The following ZPBP variants were observed in gnomAD, a reference collection of about 807,000 sequenced individuals.
The protein encoded by ZPBP is zona pellucida binding protein.
In ZPBP, 26 loss-of-function variants were observed where a neutral mutation model predicts 44.8. The observed-to-expected ratio is 0.58, with a 90% CI of 0.43 to 0.81. The LOEUF (loss-of-function observed/expected upper bound fraction) is 0.81. Among genes scored for constraint, ZPBP ranks in the 30% least tolerant of loss-of-function variants. ZPBP has a pLI of 0.00. For missense variants in ZPBP, 409 were observed against 434.0 expected (o/e 0.94, Z 0.51); for synonymous variants, 174 against 153.2 (o/e 1.14, Z -1.00).
chr7:49,962,424 A>C (rs1795896086), intron 7 of ZPBP, among the ~76,000 whole-genome samples: 1 of 151,890 alleles, frequency 6.6e-6, no homozygotes, highest in Non-Finnish European at 1.5e-5. Context: ...TGTAAAAGAC[A>C]TTAGGAAAAA....
Position 49,937,628 on chromosome 7 carries a change from A to T in ZPBP, c.962-6T>A. The T allele has an allele frequency of 6.2e-7, 1 of 1,608,118 alleles. No homozygotes were observed. Among genetic ancestry groups the T allele is most frequent in the Non-Finnish European group, 8.5e-7 (1 of 1,174,656 alleles). ...TGATCCAGGGCTGCAGATCACTGTG[A>T]AAAAAGAGTAAGTTAATAAGTAGTA... On this transcript the variant is annotated splice_polypyrimidine_tract_variant and splice_region_variant and intron_variant, in intron 7 of 7. Transcript: ENST00000046087.
chr7:50,016,203 C>T (rs1276378368), intron 6 of ZPBP, among the ~76,000 whole-genome samples: 1 of 152,056 alleles, frequency 6.6e-6, no homozygotes, highest in Admixed American at 6.6e-5. Context: ...AATGTGGTAC[C>T]TATACACCAT....
chr7:50,025,166 T>G (rs1479479186), intron 5 of ZPBP, among the ~76,000 whole-genome samples: 1 of 151,882 alleles, frequency 6.6e-6, no homozygotes, highest in African/African-American at 2.4e-5. Flanking sequence ...AGATATTCCA[T>G]GTTCATAGAT....
intron 6 of ZPBP, among the ~76,000 whole-genome samples, chr7:50,013,471 C>A (rs973938507): frequency 5.9e-5 from 9 of 151,838 alleles, no homozygotes; most frequent in African/African-American, 2.2e-4. Flanking sequence ...CCATCAGTAG[C>A]AAATGTCTTC....
chr7:50,020,862 GA>G (rs1208456370), intron 5 of ZPBP, among the ~76,000 whole-genome samples: 1 of 152,026 alleles, frequency 6.6e-6, no homozygotes, highest in Non-Finnish European at 1.5e-5. Flanking sequence ...CAGAATATAA[GA>G]AAATCTCTGT....
intron 7 of ZPBP, chr7:49,943,409 C>T (rs573319208): frequency 7.4e-6 from 3 of 405,170 alleles, no homozygotes; most frequent in Non-Finnish European, 1.4e-5. Context: ...ATTTCATCTA[C>T]AATGGGGACC....
intron 7 of ZPBP, among the ~76,000 whole-genome samples, chr7:49,972,843 T>G (rs1187017645): frequency 6.6e-6 from 1 of 151,082 alleles, no homozygotes; most frequent in Admixed American, 6.6e-5. Context: ...GCTACAGTAA[T>G]AAAAACAGTG....
chr7:50,011,732 C>T (rs1798593652), intron 6 of ZPBP, among the ~76,000 whole-genome samples: 2 of 150,480 alleles, frequency 1.3e-5, no homozygotes, highest in African/African-American at 2.5e-5. Flanking sequence ...ATTAAGCAAC[C>T]CACTACTAAA....
At chr7:49,876,423 C>T (rs1791416692) in intron 2 of ZPBP, among the ~76,000 whole-genome samples, 1 of 152,102 alleles carries the variant, frequency 6.6e-6, no homozygotes, top group Non-Finnish European at 1.5e-5. Context: ...TGTGGGAAAA[C>T]AGCACCTGTC....
the ZPBP span, among the ~76,000 whole-genome samples, chr7:49,843,721 C>G: frequency 6.6e-6 from 1 of 152,192 alleles, no homozygotes; most frequent in Non-Finnish European, 1.5e-5. Flanking sequence ...GAGACAAGGT[C>G]ATAGAAGCAC....
intron 7 of ZPBP, among the ~76,000 whole-genome samples, chr7:49,946,603 C>T (rs906589924): frequency 1.3e-5 from 2 of 152,048 alleles, no homozygotes; most frequent in Non-Finnish European, 2.9e-5. Context: ...TGTTTCTTTT[C>T]TTTTGCTGCT....
At chr7:49,993,364 G>A (rs1383381322) in intron 6 of ZPBP, among the ~76,000 whole-genome samples, 2 of 151,950 alleles carry the variant, frequency 1.3e-5, no homozygotes, top group African/African-American at 4.8e-5. Flanking sequence ...GGGCTACAAA[G>A]AACAGATAGG....
At chr7:50,064,182 A>G (rs1228811178) in intron 3 of ZPBP, among the ~76,000 whole-genome samples, 1 of 152,212 alleles carries the variant, frequency 6.6e-6, no homozygotes, top group Non-Finnish European at 1.5e-5. Context: ...GATGCCCCAC[A>G]AGCCACAAAA....
intron 3 of ZPBP, among the ~76,000 whole-genome samples, chr7:50,060,285 C>T (rs1201536383): frequency 6.6e-6 from 1 of 151,708 alleles, no homozygotes; most frequent in Non-Finnish European, 1.5e-5. Flanking sequence ...TGGCCAGGGA[C>T]ACCATCCCCC....
At chr7:49,856,567 A>G (rs939301414) in intron 2 of ZPBP, among the ~76,000 whole-genome samples, 7 of 152,198 alleles carry the variant, frequency 4.6e-5, no homozygotes, top group African/African-American at 1.7e-4. Flanking sequence ...GCTTTATTGA[A>G]GTATAATTGG....
At chr7:49,881,828 T>C (rs1791678638) in intron 2 of ZPBP, among the ~76,000 whole-genome samples, 1 of 152,048 alleles carries the variant, frequency 6.6e-6, no homozygotes, top group African/African-American at 2.4e-5. Context: ...ATAACTTATG[T>C]TTGTACTACT....
At chr7:49,841,104 T>C in the ZPBP span, among the ~76,000 whole-genome samples, 152 of 152,330 alleles carry the variant, frequency 1.0e-3, no homozygotes, top group African/African-American at 3.5e-3. Context: ...GTCTGAATTA[T>C]GAGACATAAT....
intron 7 of ZPBP, 52 bp from the exon 8 acceptor site, chr7:49,937,674 T>A (rs750003041): frequency 1.4e-6 from 2 of 1,400,314 alleles, no homozygotes; most frequent in African/African-American, 2.8e-5. Context: ...ACACATAATA[T>A]AAAATTTCCA....
the ZPBP span, among the ~76,000 whole-genome samples, chr7:49,844,874 A>C: frequency 6.6e-6 from 1 of 151,894 alleles, no homozygotes; most frequent in African/African-American, 2.4e-5. Flanking sequence ...TTGTATTTTT[A>C]GTTTCACCAT....
Sources: gnomAD v4.1 joint callset for allele counts (sites outside exome capture counted in the v4.1 genomes callset) on GRCh38, gnomAD v4.1.1 for gene constraint, MANE v1.5 for transcripts, NCBI Gene and HGNC (gene_info 2026-07-23, HGNC 2026-07-21) for gene names.